The following CACUL1 variants were observed in gnomAD, a reference collection of about 807,000 sequenced individuals.
CACUL1 encodes the protein CDK2 associated cullin domain 1.
CACUL1 carries 13 observed loss-of-function variants against 45.2 expected under a neutral mutation model. The ratio of observed to expected loss-of-function variants is 0.29; its 90% CI spans 0.19 to 0.46. CACUL1 has a LOEUF of 0.46. Among genes scored for constraint, CACUL1 ranks in the 20% least tolerant of loss-of-function variants. CACUL1 has a pLI of 1.00. For missense variants in CACUL1, 421 were observed against 471.4 expected, an observed-to-expected ratio of 0.89 and a Z score of 0.99; for synonymous variants, 197 against 174.2, an observed-to-expected ratio of 1.13 and a Z score of -1.03.
chr10:118,713,290 TCGAGGGCAGGGGGTCCTTCCTGGGCCCC>T (rs1021634257), intron 3 of CACUL1, among the ~76,000 whole-genome samples: 2 of 152,124 alleles, frequency 1.3e-5, no homozygotes, highest in African/African-American at 2.4e-5. Context: ...TTCTGAGCCT[TCGAGGGCAGGGGGTCCTTCCTGGGCCCC>T]CAAGAATGCA....
chr10:118,728,407 G>A (rs772283693), intron 3 of CACUL1, among the ~76,000 whole-genome samples: 25 of 150,116 alleles, frequency 1.7e-4, no homozygotes, highest in Non-Finnish European at 2.5e-4. Flanking sequence ...TCCGCCTCCC[G>A]GGTTCAAGCG....
chr10:118,718,324 G>T (rs1479994310), intron 3 of CACUL1, among the ~76,000 whole-genome samples: 1 of 152,262 alleles, frequency 6.6e-6, no homozygotes, highest in East Asian at 1.9e-4. Context: ...CAGGGTGTGT[G>T]GGGGGCAGGA....
At chr10:118,732,750 C>T (rs1370179034) in intron 1 of CACUL1, among the ~76,000 whole-genome samples, 1 of 152,084 alleles carries the variant, frequency 6.6e-6, no homozygotes, top group African/African-American at 2.4e-5. Flanking sequence ...TTCCCCAATC[C>T]CCCTAGAGCT....
chr10:118,710,611 T>C (rs140566183), intron 3 of CACUL1, among the ~76,000 whole-genome samples: 42 of 152,264 alleles, frequency 2.8e-4, no homozygotes, highest in African/African-American at 8.4e-4. Context: ...TTCAAAAATA[T>C]CTGAACTACA....
In CACUL1 at chr10:118,707,546, A is replaced by G. The variant is rs1317878058; in HGVS notation, c.639T>C (p.Ala213=). Residue 213 remains alanine (A), a synonymous_variant, in exon 4 of 9, where the codon GCT becomes GCC. Transcript: ENST00000369151. ...GCAATGCTCCCATATATTGTCCAAGAGCTATATTAAATCTTTCAATATAGA... is the reference window on the plus strand; with the variant it reads ...GCAATGCTCCCATATATTGTCCAAGGGCTATATTAAATCTTTCAATATAGA... ...PDLYIERFNI[A]LGQYMGALQS... The G allele has an allele frequency of 3.1e-6, 5 of 1,588,686 alleles. No individual in the cohort carries two copies. Among genetic ancestry groups the G allele is most frequent in the Non-Finnish European group, 4.3e-6 (5 of 1,157,556 alleles).
At chr10:118,713,160 T>A (rs555920626) in intron 3 of CACUL1, among the ~76,000 whole-genome samples, 1 of 152,352 alleles carries the variant, frequency 6.6e-6, no homozygotes, top group Admixed American at 6.5e-5. Flanking sequence ...GTGTTAGCAC[T>A]GCCCTCAGCG....
intron 3 of CACUL1, among the ~76,000 whole-genome samples, chr10:118,711,330 T>TAGG (rs1381952828): frequency 6.6e-6 from 1 of 152,232 alleles, no homozygotes; most frequent in African/African-American, 2.4e-5. Flanking sequence ...TCCACCCACT[T>TAGG]CGGCCTCCCG....
At chr10:118,746,368 C>T (rs1216093547) in intron 1 of CACUL1, among the ~76,000 whole-genome samples, 1 of 152,128 alleles carries the variant, frequency 6.6e-6, no homozygotes, top group Non-Finnish European at 1.5e-5. Flanking sequence ...AAAGGATAGT[C>T]TTTTCAACAA....
intron 3 of CACUL1, among the ~76,000 whole-genome samples, chr10:118,708,473 T>TCCTC (rs1230604743): frequency 5.3e-5 from 8 of 152,066 alleles, no homozygotes; most frequent in Non-Finnish European, 1.2e-4. Flanking sequence ...CACAATGCAT[T>TCCTC]CCTCTATTAA....
At chr10:118,724,268 T>C (rs914755037) in intron 3 of CACUL1, among the ~76,000 whole-genome samples, 2 of 152,188 alleles carry the variant, frequency 1.3e-5, no homozygotes, top group Admixed American at 6.5e-5. Context: ...CCAGAATAAA[T>C]AGGTGACCCC....
At chr10:118,728,013 T>C (rs1318726780) in intron 3 of CACUL1, among the ~76,000 whole-genome samples, 1 of 152,210 alleles carries the variant, frequency 6.6e-6, no homozygotes, top group Admixed American at 6.5e-5. Context: ...ATAAAGATTT[T>C]ATAGTTAGCG....
intron 4 of CACUL1, 80 bp from the exon 5 acceptor site, chr10:118,701,488 T>C: frequency 1.5e-6 from 1 of 684,828 alleles, no homozygotes; most frequent in Non-Finnish European, 2.3e-6. Flanking sequence ...CTAAATATTT[T>C]AGAAAACAAT....
At chr10:118,738,994 G>C (rs919272149) in intron 1 of CACUL1, among the ~76,000 whole-genome samples, 2 of 149,208 alleles carry the variant, frequency 1.3e-5, no homozygotes, top group African/African-American at 4.9e-5. Flanking sequence ...TCAGGAGATA[G>C]AGTCTCCTGG....
chr10:118,736,266 AG>A (rs140317395), intron 1 of CACUL1, among the ~76,000 whole-genome samples: 5,480 of 152,318 alleles, frequency 0.036, 145 homozygotes, highest in African/African-American at 0.065. Flanking sequence ...ATTTTTGTAT[AG>A]TTGTACTGTG....
intron 3 of CACUL1, among the ~76,000 whole-genome samples, chr10:118,727,094 A>T (rs1271386353): frequency 1.3e-5 from 2 of 152,184 alleles, no homozygotes; most frequent in African/African-American, 4.8e-5. Context: ...CCTTTTAAAA[A>T]ATACTAACAT....
intron 3 of CACUL1, among the ~76,000 whole-genome samples, chr10:118,723,439 T>A (rs1300680330): frequency 6.6e-6 from 1 of 152,202 alleles, no homozygotes; most frequent in African/African-American, 2.4e-5. Context: ...GACATTATCA[T>A]TATTATTGAT....
chr10:118,698,148 C>CTTTT (rs1021447229), intron 5 of CACUL1, among the ~76,000 whole-genome samples: 1 of 136,210 alleles, frequency 7.3e-6, no homozygotes, highest in Non-Finnish European at 1.6e-5. Context: ...ACCTCTTTTG[C>CTTTT]TTTTTTTTTT....
At chr10:118,729,965 CAG>C (rs1845683649) in intron 2 of CACUL1, among the ~76,000 whole-genome samples, 2 of 152,304 alleles carry the variant, frequency 1.3e-5, no homozygotes, top group South Asian at 4.1e-4. Flanking sequence ...TAAACACCAA[CAG>C]ATTAAGGTCT....
At chr10:118,686,430 CCA>C (rs1229722011) in intron 8 of CACUL1, among the ~76,000 whole-genome samples, 166 bp downstream of exon 8, 2 of 152,164 alleles carry the variant, frequency 1.3e-5, no homozygotes, top group African/African-American at 4.8e-5. Context: ...ACCATCGCTA[CCA>C]GCTGGAGCTG....
Sources: gnomAD v4.1 joint callset for allele counts (sites outside exome capture counted in the v4.1 genomes callset) on GRCh38, gnomAD v4.1.1 for gene constraint, MANE v1.5 for transcripts, NCBI Gene and HGNC (gene_info 2026-07-23, HGNC 2026-07-21) for gene names.